Variants in SCGB2B2 observed in about 807,000 individuals in gnomAD.
SCGB2B2 encodes the protein secretoglobin family 2B member 2.
In SCGB2B2, 11 loss-of-function variants were observed where a neutral mutation model predicts 7.6. That is an observed-to-expected ratio of 1.45 (90% CI 0.91 to 2.40). SCGB2B2 has a LOEUF of 2.40. SCGB2B2 is among the 30% of genes most tolerant of loss of function. The pLI is 0.00. For synonymous variants in SCGB2B2, 50 were observed against 48.6 expected (o/e 1.03, Z -0.12); for missense variants, 104 against 115.4 (o/e 0.90, Z 0.45).
rs373387590 is a variant in SCGB2B2 at position 34,617,710 on chromosome 19, T to G, written c.-2031-21116A>C. Among the ~76,000 whole-genome samples, 476 of 152,344 alleles carry G rather than the reference T, an allele frequency of 3.1e-3. 1 individual carries two copies. The highest frequency in any genetic ancestry group is 5.0e-3 in the Non-Finnish European group (343 of 68,038). On this transcript the variant is annotated intron_variant, in intron 1 of 3. Coordinates refer to ENST00000601241, the MANE Select transcript of SCGB2B2 (RefSeq NM_001025591.4). ...TCTGCCTCATTGCCCTGGCTAGAAC[T>G]TCCAACACTATGTTGAATAGGAGTG...
At chr19:34,596,710 G>C (rs1382963932) in intron 1 of SCGB2B2, 116 bp from the exon 2 acceptor site, 2 of 152,382 alleles carry the variant, frequency 1.3e-5, no homozygotes, top group African/African-American at 4.8e-5. Context: ...GGAAAAGCCA[G>C]GTACAGTGGA....
intron 1 of SCGB2B2, among the ~76,000 whole-genome samples, chr19:34,599,400 AAG>A (rs1414862337): frequency 1.3e-5 from 2 of 152,250 alleles, no homozygotes; most frequent in Non-Finnish European, 2.9e-5. Flanking sequence ...TTACAAAAGA[AAG>A]AGGTTTATTG....
chr19:34,652,883 T>C (rs1468508413), intron 1 of SCGB2B2, among the ~76,000 whole-genome samples: 1 of 151,380 alleles, frequency 6.6e-6, no homozygotes, highest in African/African-American at 2.5e-5. Flanking sequence ...GAAATCAGTA[T>C]ATCAAAGAGA....
At chr19:34,633,512 C>CA (rs1246966947) in intron 1 of SCGB2B2, among the ~76,000 whole-genome samples, 2 of 151,682 alleles carry the variant, frequency 1.3e-5, no homozygotes, top group African/African-American at 4.8e-5. Context: ...GAGAAAAAAG[C>CA]AAAAAACAGC....
chr19:34,588,459 G>A (rs947707779), downstream of SCGB2B2, among the ~76,000 whole-genome samples: 26 of 152,224 alleles, frequency 1.7e-4, no homozygotes, highest in Admixed American at 1.1e-3. Context: ...CCAGGTGGGC[G>A]GGAGGCTTGG....
In SCGB2B2 at chr19:34,676,455, C is replaced by T. The variant is rs2067952451; in HGVS notation, c.-2857G>A. On this transcript the variant is annotated 5_prime_UTR_variant, in exon 1 of 4. Transcript: ENST00000601241. ...GAAATTGAAATTGCCCACCTCTTTC[C>T]TGGAAAACTCATGAATAATCCACCC... is the stretch of plus-strand genomic sequence containing the variant. 1 of 152,190 alleles carries T rather than the reference C, an allele frequency of 6.6e-6. No individual in the cohort carries two copies. Among genetic ancestry groups the T allele is most frequent in the Non-Finnish European group, 1.5e-5 (1 of 68,038 alleles). 9.4% of individuals were successfully genotyped at this position (152,190 alleles called of 1,614,324 possible).
At chr19:34,652,717 T>C (rs1261721435) in intron 1 of SCGB2B2, among the ~76,000 whole-genome samples, 2 of 151,164 alleles carry the variant, frequency 1.3e-5, no homozygotes, top group Non-Finnish European at 2.9e-5. Context: ...CAAACGCTGG[T>C]GAGGAAGCAA....
At chr19:34,602,015 C>A (rs2065639288) in intron 1 of SCGB2B2, among the ~76,000 whole-genome samples, 1 of 152,104 alleles carries the variant, frequency 6.6e-6, no homozygotes, top group African/African-American at 2.4e-5. Context: ...TACCCTTCAT[C>A]CAGATTCAAA....
At chr19:34,586,932 A>G (rs2065199580), downstream of SCGB2B2, among the ~76,000 whole-genome samples, 2 of 152,078 alleles carry the variant, frequency 1.3e-5, no homozygotes, top group African/African-American at 4.8e-5. Context: ...TTTGAGACGG[A>G]GTTTCACTCT....
intron 1 of SCGB2B2, among the ~76,000 whole-genome samples, chr19:34,664,192 G>T (rs2067546264): frequency 6.6e-6 from 1 of 152,200 alleles, no homozygotes; most frequent in East Asian, 1.9e-4. Context: ...GGAGGCTTTG[G>T]GGACAGGCCA....
intron 1 of SCGB2B2, among the ~76,000 whole-genome samples, chr19:34,632,419 AG>A (rs2066559651): frequency 6.6e-6 from 1 of 152,236 alleles, no homozygotes; most frequent in African/African-American, 2.4e-5. Flanking sequence ...TCAATAATAA[AG>A]AAAAGAGTTT....
chr19:34,600,248 CT>C (rs1306318797), intron 1 of SCGB2B2, among the ~76,000 whole-genome samples: 4 of 152,106 alleles, frequency 2.6e-5, no homozygotes, highest in Non-Finnish European at 4.4e-5. Flanking sequence ...CCGTATCTTA[CT>C]TTTTTGTTCC....
At chr19:34,665,663 G>T (rs2067596337) in intron 1 of SCGB2B2, among the ~76,000 whole-genome samples, 1 of 152,192 alleles carries the variant, frequency 6.6e-6, no homozygotes, top group African/African-American at 2.4e-5. Context: ...GCCCACGTGT[G>T]TATTGGGTGG....
At chr19:34,620,521 T>TGGGGGGA (rs2066212078) in intron 1 of SCGB2B2, among the ~76,000 whole-genome samples, 2 of 7,556 alleles carry the variant, frequency 2.6e-4, no homozygotes, top group African/African-American at 1.1e-3. Context: ...CACACCAGGG[T>TGGGGGGA]GGGGGGAGGG....
intron 1 of SCGB2B2, among the ~76,000 whole-genome samples, chr19:34,625,585 A>G (rs2066350593): frequency 6.6e-6 from 1 of 152,192 alleles, no homozygotes; most frequent in African/African-American, 2.4e-5. Flanking sequence ...GGCGCCTGCC[A>G]TTGCCAAGGC....
At chr19:34,664,874 C>T (rs2067568928) in intron 1 of SCGB2B2, among the ~76,000 whole-genome samples, 1 of 152,090 alleles carries the variant, frequency 6.6e-6, no homozygotes, top group Admixed American at 6.5e-5. Context: ...CCCAACCACC[C>T]CCTCCCCTCT....
intron 1 of SCGB2B2, among the ~76,000 whole-genome samples, chr19:34,621,248 C>T (rs441498): frequency 0.84 from 128,171 of 152,228 alleles, 54,740 homozygotes; most frequent in African/African-American, 0.91. Context: ...TTTTTTTGTT[C>T]GTCAATTTTC....
At chr19:34,615,330 T>C (rs1363729548) in intron 1 of SCGB2B2, among the ~76,000 whole-genome samples, 1 of 152,094 alleles carries the variant, frequency 6.6e-6, no homozygotes, top group African/African-American at 2.4e-5. Context: ...GTCCAATATG[T>C]TGATGGGGGT....
intron 1 of SCGB2B2, among the ~76,000 whole-genome samples, chr19:34,652,097 G>C (rs970960673): frequency 6.6e-6 from 1 of 150,834 alleles, no homozygotes. Flanking sequence ...AATGAAACTA[G>C]ACCCCTATCT....
Sources: gnomAD v4.1 joint callset for allele counts (sites outside exome capture counted in the v4.1 genomes callset) on GRCh38, gnomAD v4.1.1 for gene constraint, MANE v1.5 for transcripts, NCBI Gene and HGNC (gene_info 2026-07-23, HGNC 2026-07-21) for gene names.